KCNJ6: variants seen among roughly 807,000 people sequenced by gnomAD.
KCNJ6 encodes G protein-activated inward rectifier potassium channel 2.
Under a neutral mutation model 34.2 loss-of-function variants are expected in KCNJ6, and 9 were observed. The ratio of observed to expected loss-of-function variants is 0.26; its 90% CI spans 0.16 to 0.46. KCNJ6 has a LOEUF of 0.46. KCNJ6 is among the 20% of genes least tolerant of loss of function. KCNJ6 has a pLI of 1.00. For synonymous variants in KCNJ6, 196 were observed against 207.1 expected (o/e 0.95, Z 0.46); for missense variants, 236 against 531.3 (o/e 0.44, Z 5.46).
At chr21:37,790,376 A>G (rs1446574120) in intron 2 of KCNJ6, among the ~76,000 whole-genome samples, 1 of 152,218 alleles carries the variant, frequency 6.6e-6, no homozygotes, top group East Asian at 1.9e-4. Flanking sequence ...ACACAAAACT[A>G]AAAACCAACA....
rs1240595341 is a variant in KCNJ6, at chr21:37,617,069, TTTC to T, written c.*8087_*8089del. 1.4e-4 allele frequency: 17 copies of T among 120,514 alleles called. 1 individual carries two copies. The highest frequency in any genetic ancestry group is 5.0e-4 in the African/African-American group (17 of 34,216). 7.5% of individuals were successfully genotyped at this position (120,514 alleles called of 1,614,324 possible). On this transcript the variant is annotated 3_prime_UTR_variant, in exon 4 of 4. Coordinates refer to ENST00000609713, the MANE Select transcript of KCNJ6 (RefSeq NM_002240.5). ...CTTTCTTTCTTTTCTTTTCTTTTCT[TTTC>T]TTTTCTTTCTTTTTCTTTCTTTCTT...
chr21:37,608,987 T>C lies in KCNJ6; in HGVS notation c.*16172A>G, dbSNP rs1436398342. The C allele has an allele frequency of 6.6e-6, 1 of 152,210 alleles. No individual in the cohort carries two copies. Among genetic ancestry groups the C allele is most frequent in the Non-Finnish European group, 1.5e-5 (1 of 68,042 alleles). 9.4% of individuals were successfully genotyped at this position (152,210 alleles called of 1,614,324 possible). The stretch of plus-strand genomic sequence containing the variant: ...CTGTTGGGATCCCTGAGTATAAAAA[T>C]ACAAGTGTGTGCCTGCTCCCAGCAT... On this transcript the variant is annotated 3_prime_UTR_variant, in exon 4 of 4. Transcript: ENST00000609713.
At chr21:37,896,759 A>G (rs1048524842) in intron 1 of KCNJ6, among the ~76,000 whole-genome samples, 1 of 152,128 alleles carries the variant, frequency 6.6e-6, no homozygotes. Flanking sequence ...AGAGGAAGAG[A>G]CAAGCTGACA....
At position 37,608,448 on chromosome 21, in the gene KCNJ6, G is replaced by T. The variant is rs1051387932; in HGVS notation, c.*16711C>A. 1 of 152,168 alleles carries T rather than the reference G, an allele frequency of 6.6e-6. No individual in the cohort carries two copies. Among genetic ancestry groups the T allele is most frequent in the African/African-American group, 2.4e-5 (1 of 41,420 alleles). 9.4% of individuals were successfully genotyped at this position (152,168 alleles called of 1,614,324 possible). A position where few individuals can be genotyped will look rare whatever the true frequency, so the allele number is the denominator to read the frequency against. On this transcript the variant is annotated 3_prime_UTR_variant, in exon 4 of 4. Transcript: ENST00000609713. ...GCTGGAATTACAGGCATGAACCATT[G>T]TGCTTGCCTGCCCTTGGATCTCTGT...
intron 1 of KCNJ6, among the ~76,000 whole-genome samples, chr21:37,870,949 C>T (rs1292950080): frequency 6.6e-6 from 1 of 152,164 alleles, no homozygotes; most frequent in Non-Finnish European, 1.5e-5. Context: ...AAACACCAAT[C>T]CCAAGTCTTG....
intron 2 of KCNJ6, among the ~76,000 whole-genome samples, chr21:37,806,305 T>C (rs2123536887): frequency 6.6e-6 from 1 of 152,354 alleles, no homozygotes; most frequent in South Asian, 2.1e-4. Flanking sequence ...GAAAGAGAAA[T>C]GAGCCTCTTC....
At chr21:37,831,669 G>GT (rs1290374862) in intron 2 of KCNJ6, among the ~76,000 whole-genome samples, 1 of 152,192 alleles carries the variant, frequency 6.6e-6, no homozygotes, top group Non-Finnish European at 1.5e-5. Context: ...GCTTCTGTTA[G>GT]TACCTGTGCT....
chr21:37,814,896 C>CAA (rs3061049), intron 2 of KCNJ6, among the ~76,000 whole-genome samples: 14,325 of 68,982 alleles, frequency 0.21, 1,949 homozygotes, highest in East Asian at 0.48. Flanking sequence ...GACTCTGTCT[C>CAA]AAAAAAAAAA....
chr21:37,779,072 A>G (rs2055156977), intron 2 of KCNJ6, among the ~76,000 whole-genome samples: 1 of 152,252 alleles, frequency 6.6e-6, no homozygotes. Flanking sequence ...TAAAATTTAG[A>G]TATTTTATTC....
At chr21:37,667,627 C>A (rs999222354) in intron 3 of KCNJ6, among the ~76,000 whole-genome samples, 3 of 77,760 alleles carry the variant, frequency 3.9e-5, no homozygotes, top group Non-Finnish European at 1.0e-4. Context: ...GTAGCAGGCA[C>A]CGGGGTAGCA....
chr21:37,792,403 G>A (rs1324335974), intron 2 of KCNJ6, among the ~76,000 whole-genome samples: 1 of 152,136 alleles, frequency 6.6e-6, no homozygotes, highest in Non-Finnish European at 1.5e-5. Flanking sequence ...TTATTTCTGT[G>A]GCCGACTGTG....
At chr21:37,727,104 G>C (rs970834935) in intron 2 of KCNJ6, among the ~76,000 whole-genome samples, 19 of 152,178 alleles carry the variant, frequency 1.2e-4, no homozygotes, top group Non-Finnish European at 2.5e-4. Flanking sequence ...TCAAGCCAAG[G>C]AACACCCGGA....
chr21:37,713,633 TTTTCTTTTCTGC>T (rs1403764937), intron 3 of KCNJ6, among the ~76,000 whole-genome samples: 1 of 152,192 alleles, frequency 6.6e-6, no homozygotes, highest in African/African-American at 2.4e-5. Flanking sequence ...TCTTCAACTT[TTTTCTTTTCTGC>T]TAGAGTTATT....
At chr21:37,882,191 C>T (rs2055712372) in intron 1 of KCNJ6, among the ~76,000 whole-genome samples, 1 of 152,120 alleles carries the variant, frequency 6.6e-6, no homozygotes, top group Non-Finnish European at 1.5e-5. Flanking sequence ...ACTGTGTGCC[C>T]AGGATGGTTT....
chr21:37,735,200 A>T (rs1200962816), intron 2 of KCNJ6, among the ~76,000 whole-genome samples: 1 of 152,160 alleles, frequency 6.6e-6, no homozygotes, highest in Non-Finnish European at 1.5e-5. Flanking sequence ...ACCCAAACAG[A>T]GGAAGATTCT....
intron 2 of KCNJ6, among the ~76,000 whole-genome samples, chr21:37,745,060 C>T (rs2054960224): frequency 7.1e-6 from 1 of 141,490 alleles, no homozygotes; most frequent in East Asian, 2.1e-4. Flanking sequence ...AGGACTTAGC[C>T]CAACGTTGCT....
intron 2 of KCNJ6, among the ~76,000 whole-genome samples, chr21:37,770,295 C>T (rs891749109): frequency 1.3e-5 from 2 of 152,112 alleles, no homozygotes; most frequent in South Asian, 2.1e-4. Flanking sequence ...TCACAGCGGG[C>T]TCCAAAGGGT....
At chr21:37,753,251 AC>A (rs2055005696) in intron 2 of KCNJ6, among the ~76,000 whole-genome samples, 2 of 152,146 alleles carry the variant, frequency 1.3e-5, no homozygotes, top group Non-Finnish European at 2.9e-5. Context: ...CTGTCAAACA[AC>A]CCGAGTGAGT....
chr21:37,629,264 T>A (rs1224449614), intron 3 of KCNJ6, among the ~76,000 whole-genome samples: 1 of 152,224 alleles, frequency 6.6e-6, no homozygotes, highest in Non-Finnish European at 1.5e-5. Flanking sequence ...TATGAATATA[T>A]CATGGTTTTA....
Sources: allele counts gnomAD v4.1 joint callset (sites outside exome capture counted in the v4.1 genomes callset), GRCh38; gene constraint gnomAD v4.1.1; transcripts MANE v1.5; gene names NCBI Gene and HGNC (gene_info 2026-07-23, HGNC 2026-07-21).